Variants in UGT8 observed in about 807,000 individuals in gnomAD.
UGT8 encodes the protein UDP glycosyltransferase 8, also known as 2-hydroxyacylsphingosine 1-beta-galactosyltransferase.
A neutral mutation model predicts 40.5 loss-of-function variants in UGT8; 12 were observed. That is an observed-to-expected ratio of 0.30 (90% CI 0.19 to 0.48). UGT8 has a LOEUF of 0.48. UGT8 is among the 20% of genes least tolerant of loss of function. The pLI is 0.99. For synonymous variants in UGT8, 224 were observed against 240.4 expected (o/e 0.93, Z 0.63); for missense variants, 513 against 648.7 (o/e 0.79, Z 2.27).
intron 1 of UGT8, among the ~76,000 whole-genome samples, chr4:114,617,428 C>A (rs187395488): frequency 6.6e-6 from 1 of 152,126 alleles, no homozygotes; most frequent in Non-Finnish European, 1.5e-5. Context: ...TATTAAAATG[C>A]TTTTGGCTTC....
intron 1 of UGT8, among the ~76,000 whole-genome samples, chr4:114,600,920 A>C (rs1730405345): frequency 6.6e-6 from 1 of 152,242 alleles, no homozygotes; most frequent in Admixed American, 6.5e-5. Context: ...TACAAGGTTA[A>C]GTTGACATCT....
intron 2 of UGT8, among the ~76,000 whole-genome samples, chr4:114,643,474 A>G (rs1733354311): frequency 6.6e-6 from 1 of 152,158 alleles, no homozygotes; most frequent in Non-Finnish European, 1.5e-5. Flanking sequence ...AAAAAATGTT[A>G]TATTATCACA....
intron 5 of UGT8, among the ~76,000 whole-genome samples, chr4:114,673,557 A>G (rs1578476256): frequency 6.6e-6 from 1 of 152,220 alleles, no homozygotes; most frequent in Non-Finnish European, 1.5e-5. Flanking sequence ...TGAGTTAATA[A>G]TTTATTCAAG....
At chr4:114,640,066 T>G (rs1733119313) in intron 2 of UGT8, among the ~76,000 whole-genome samples, 1 of 149,926 alleles carries the variant, frequency 6.7e-6, no homozygotes, top group Non-Finnish European at 1.5e-5. Context: ...AGTCTCGCTC[T>G]GTCGCCCAGG....
chr4:114,655,499 T>C (rs1399635263), intron 2 of UGT8, among the ~76,000 whole-genome samples: 1 of 152,122 alleles, frequency 6.6e-6, no homozygotes, highest in Non-Finnish European at 1.5e-5. Context: ...AATTGTTAAA[T>C]TGAAAGCTGT....
At chr4:114,653,491 A>G (rs951232181) in intron 2 of UGT8, among the ~76,000 whole-genome samples, 4 of 152,140 alleles carry the variant, frequency 2.6e-5, no homozygotes, top group Non-Finnish European at 4.4e-5. Flanking sequence ...ATATAGATGT[A>G]TAATCTAGAA....
chr4:114,624,024 A>G (rs1167156076), intron 2 of UGT8, among the ~76,000 whole-genome samples: 1 of 152,212 alleles, frequency 6.6e-6, no homozygotes, highest in African/African-American at 2.4e-5. Context: ...TTTAATGAGT[A>G]TAAGTGATTT....
At chr4:114,631,430 T>C (rs1732565594) in intron 2 of UGT8, among the ~76,000 whole-genome samples, 2 of 152,232 alleles carry the variant, frequency 1.3e-5, no homozygotes, top group Admixed American at 6.5e-5. Flanking sequence ...GAGGTCACAG[T>C]GAGCTGAGAT....
rs533978923 is a variant in UGT8 at position 114,618,886 on chromosome 4, T to C, written c.-2-3993T>C. The stretch of plus-strand genomic sequence containing the variant: ...AATAAGTTTTTCTTTCCTCATCTAT[T>C]TGTGGTACTTCCTTCGTCATCTATT... On this transcript the variant is annotated intron_variant, in intron 1 of 5. Coordinates refer to ENST00000310836, the MANE Select transcript of UGT8 (RefSeq NM_001128174.3). Among the ~76,000 whole-genome samples, 17 of 152,270 alleles carry C rather than the reference T, an allele frequency of 1.1e-4. No individual in the cohort carries two copies. In the East Asian group the frequency reaches 3.3e-3, roughly 29 times the overall value.
intron 4 of UGT8, among the ~76,000 whole-genome samples, chr4:114,666,853 C>A (rs749589905): frequency 6.6e-6 from 1 of 151,976 alleles, no homozygotes; most frequent in Non-Finnish European, 1.5e-5. Flanking sequence ...AGATTAGTAT[C>A]TTTTTTAACA....
At chr4:114,618,858 T>C (rs1237882394) in intron 1 of UGT8, among the ~76,000 whole-genome samples, 1 of 152,156 alleles carries the variant, frequency 6.6e-6, no homozygotes, top group African/African-American at 2.4e-5. Context: ...TTTAACACTA[T>C]TGAATAAGTT....
At chr4:114,635,713 G>C (rs1162497105) in intron 2 of UGT8, among the ~76,000 whole-genome samples, 3 of 152,134 alleles carry the variant, frequency 2.0e-5, no homozygotes, top group Non-Finnish European at 2.9e-5. Context: ...ATTTATTTCA[G>C]TTAAGTTTTA....
chr4:114,631,821 G>A (rs1732597135), intron 2 of UGT8, among the ~76,000 whole-genome samples: 1 of 152,144 alleles, frequency 6.6e-6, no homozygotes, highest in Non-Finnish European at 1.5e-5. Context: ...CTCTGTTTTA[G>A]AAAGTTATTT....
At chr4:114,637,516 C>T (rs936547791) in intron 2 of UGT8, among the ~76,000 whole-genome samples, 2 of 152,074 alleles carry the variant, frequency 1.3e-5, no homozygotes, top group African/African-American at 4.8e-5. Context: ...AACCAAAGAT[C>T]TAGAGTTTTG....
chr4:114,630,223 A>T (rs1022486070), intron 2 of UGT8, among the ~76,000 whole-genome samples: 3 of 152,200 alleles, frequency 2.0e-5, no homozygotes, highest in African/African-American at 7.2e-5. Context: ...TCACCTTTCC[A>T]GGTATTGTTC....
intron 1 of UGT8, among the ~76,000 whole-genome samples, chr4:114,599,506 G>C (rs1044756858): frequency 6.6e-6 from 1 of 152,188 alleles, no homozygotes; most frequent in Non-Finnish European, 1.5e-5. Flanking sequence ...TTGGGGGTGG[G>C]GAATGTCTTG....
At chr4:114,606,433 T>C (rs78276298) in intron 1 of UGT8, among the ~76,000 whole-genome samples, 1,975 of 152,208 alleles carry the variant, frequency 0.013, 31 homozygotes, top group African/African-American at 0.035. Flanking sequence ...GAAGAAGGCC[T>C]TTGTGTTTTA....
chr4:114,655,493 G>T (rs925591410), intron 2 of UGT8, among the ~76,000 whole-genome samples: 1 of 152,022 alleles, frequency 6.6e-6, no homozygotes, highest in African/African-American at 2.4e-5. Context: ...ATGTGGAATT[G>T]TTAAATTGAA....
chr4:114,635,675 A>G (rs367611834), intron 2 of UGT8, among the ~76,000 whole-genome samples: 2 of 152,158 alleles, frequency 1.3e-5, no homozygotes, highest in African/African-American at 2.4e-5. Flanking sequence ...TAAAGTTCAA[A>G]TGCTTTCCCC....
Sources: allele counts gnomAD v4.1 joint callset (sites outside exome capture counted in the v4.1 genomes callset), GRCh38; gene constraint gnomAD v4.1.1; transcripts MANE v1.5; gene names NCBI Gene and HGNC (gene_info 2026-07-23, HGNC 2026-07-21).